The following ST8SIA1 variants were observed in gnomAD, a reference collection of about 807,000 sequenced individuals.
ST8SIA1 encodes the protein alpha-N-acetylneuraminide alpha-2,8-sialyltransferase.
Under a neutral mutation model 35.9 loss-of-function variants are expected in ST8SIA1, and 16 were observed. The observed-to-expected ratio is 0.45, with a 90% CI of 0.30 to 0.68. The LOEUF is 0.68. ST8SIA1 is among the 30% of genes least tolerant of loss of function. ST8SIA1 has a pLI of 0.09. For synonymous variants in ST8SIA1, 170 were observed against 169.6 expected (o/e 1.00, Z -0.02); for missense variants, 383 against 453.6 (o/e 0.84, Z 1.41).
At chr12:22,287,054 G>C (rs1177954374) in intron 2 of ST8SIA1, 95 bp downstream of exon 2, 5 of 1,188,398 alleles carry the variant, frequency 4.2e-6, no homozygotes, top group Non-Finnish European at 5.9e-6. Context: ...AAAACAAAAA[G>C]TCAATCTGAT....
chr12:22,278,833 T>G, intron 2 of ST8SIA1, among the ~76,000 whole-genome samples: 1 of 152,302 alleles, frequency 6.6e-6, no homozygotes, highest in East Asian at 1.9e-4. Context: ...GTATAAAATG[T>G]TGTCTTACCC....
At chr12:22,231,378 C>CTTT (rs576724914) in intron 4 of ST8SIA1, among the ~76,000 whole-genome samples, 2 of 146,976 alleles carry the variant, frequency 1.4e-5, no homozygotes, top group Non-Finnish European at 3.0e-5. Flanking sequence ...TTAGAATAAG[C>CTTT]TTTTTTTTTT....
chr12:22,276,194 T>G (rs1865966351), intron 2 of ST8SIA1, among the ~76,000 whole-genome samples: 1 of 152,180 alleles, frequency 6.6e-6, no homozygotes, highest in South Asian at 2.1e-4. Flanking sequence ...TCTTAGAATT[T>G]CATGCACTTT....
At chr12:22,320,957 G>GAGAA (rs1220446331) in intron 1 of ST8SIA1, among the ~76,000 whole-genome samples, 920 of 83,064 alleles carry the variant, frequency 0.011, 7 homozygotes, top group Non-Finnish European at 0.015. Context: ...AAGAAAGAAA[G>GAGAA]AGAAAGAAAG....
intron 4 of ST8SIA1, among the ~76,000 whole-genome samples, chr12:22,212,787 C>G (rs1865188794): frequency 6.6e-6 from 1 of 152,182 alleles, no homozygotes; most frequent in South Asian, 2.1e-4. Context: ...CTGACACCAT[C>G]TTTGTAAGAC....
At chr12:22,319,420 G>A (rs2135839062) in intron 1 of ST8SIA1, among the ~76,000 whole-genome samples, 1 of 152,236 alleles carries the variant, frequency 6.6e-6, no homozygotes, top group East Asian at 1.9e-4. Context: ...GAATTTTTTG[G>A]ACTACTTATA....
chr12:22,328,772 T>C (rs2095016003), intron 1 of ST8SIA1, among the ~76,000 whole-genome samples: 1 of 152,222 alleles, frequency 6.6e-6, no homozygotes, highest in African/African-American at 2.4e-5. Context: ...ATTAATTATA[T>C]ACTGGAAATA....
At chr12:22,225,373 A>T (rs1472093371) in intron 4 of ST8SIA1, among the ~76,000 whole-genome samples, 2 of 152,126 alleles carry the variant, frequency 1.3e-5, no homozygotes, top group African/African-American at 4.8e-5. Context: ...TCCTACTAGT[A>T]GCTGGATCCT....
chr12:22,207,983 A>G lies in ST8SIA1; in HGVS notation c.585-5945T>C, dbSNP rs562317750. Among the ~76,000 whole-genome samples, 7 of 152,122 alleles carry G rather than the reference A, an allele frequency of 4.6e-5. No homozygotes were observed. In the South Asian group the frequency reaches 1.0e-3, roughly 23 times the overall value. ...TATAGCGAAACCCCATCTCTACTAAAAATACAAAAATTAGCTGGGTGTGGT... is the reference window on the plus strand; with the variant it reads ...TATAGCGAAACCCCATCTCTACTAAGAATACAAAAATTAGCTGGGTGTGGT... On this transcript the variant is annotated intron_variant, in intron 4 of 4. Transcript: ENST00000396037.
At chr12:22,314,211 T>G (rs1457250373) in intron 1 of ST8SIA1, among the ~76,000 whole-genome samples, 1 of 152,094 alleles carries the variant, frequency 6.6e-6, no homozygotes, top group Non-Finnish European at 1.5e-5. Flanking sequence ...CTCCCCCTCC[T>G]TCCTCCATGC....
chr12:22,271,338 A>G (rs1490268694), intron 2 of ST8SIA1, among the ~76,000 whole-genome samples: 1 of 152,226 alleles, frequency 6.6e-6, no homozygotes, highest in Non-Finnish European at 1.5e-5. Flanking sequence ...ATTGAGGAAA[A>G]CTTCACAGAC....
Position 22,201,710 on chromosome 12 carries a change from G to A in ST8SIA1, c.913C>T (p.Gln305Ter). 1 of 1,614,082 alleles carries A rather than the reference G, an allele frequency of 6.2e-7. No individual in the cohort carries two copies. Residue 305 changes from glutamine to a stop codon, truncating the protein, a stop_gained, in exon 5 of 5, where the codon CAG becomes TAG. Coordinates refer to ENST00000396037, the MANE Select transcript of ST8SIA1 (RefSeq NM_003034.4). LOFTEE classifies it high-confidence loss of function. ...TCATAGTAGTGGTGGCTGATGGGCT[G>A]CTCATGCATATTCACAGAGAAGGGC... ...FWPFSVNMHEQPISHHYYDNV... is the reference protein window; with the variant it reads ...FWPFSVNMHE
chr12:22,247,819 A>G (rs1327087783), intron 4 of ST8SIA1, among the ~76,000 whole-genome samples: 1 of 152,184 alleles, frequency 6.6e-6, no homozygotes, highest in African/African-American at 2.4e-5. Flanking sequence ...TGATACAAAG[A>G]CTTAATATCC....
chr12:22,214,360 A>T (rs1865210751), intron 4 of ST8SIA1, among the ~76,000 whole-genome samples: 1 of 152,154 alleles, frequency 6.6e-6, no homozygotes, highest in African/African-American at 2.4e-5. Flanking sequence ...AATAGTAGAA[A>T]TTACTATGAA....
intron 3 of ST8SIA1, 57 bp downstream of exon 3, chr12:22,255,223 G>C (rs951731885): frequency 7.2e-7 from 1 of 1,396,274 alleles, no homozygotes; most frequent in Non-Finnish European, 1.0e-6. Flanking sequence ...AGGGCTTATG[G>C]GAGGGGTGGG....
At chr12:22,217,152 T>C (rs185515187) in intron 4 of ST8SIA1, among the ~76,000 whole-genome samples, 2 of 152,310 alleles carry the variant, frequency 1.3e-5, no homozygotes, top group Non-Finnish European at 2.9e-5. Flanking sequence ...TCATTTTTTT[T>C]CCAGGACAAA....
intron 2 of ST8SIA1, among the ~76,000 whole-genome samples, chr12:22,284,312 C>T (rs567660257): frequency 6.6e-6 from 1 of 152,312 alleles, no homozygotes; most frequent in South Asian, 2.1e-4. Flanking sequence ...CACTGAAACT[C>T]TGGGAAAGGA....
rs3063791 is a variant in ST8SIA1, at chr12:22,198,522, TACACACACAC to T, written c.*3020_*3029del. 2,464 of 133,054 alleles carry T rather than the reference TACACACACAC, an allele frequency of 0.019. 106 individuals are homozygous for T. The highest frequency in any genetic ancestry group is 0.16 in the South Asian group (600 of 3,806). The allele number at this position is 133,054 out of a possible 1,614,324, so 8.2% of individuals were successfully genotyped here. On this transcript the variant is annotated 3_prime_UTR_variant, in exon 5 of 5. Transcript: ENST00000396037. ...AGGATAGAGATGCCTAACTTCATGC[TACACACACAC>T]ACACACACACACACACACACACACA...
At position 22,316,649 on chromosome 12, in the gene ST8SIA1, A is replaced by T. The variant is rs1425680339; in HGVS notation, c.236+17348T>A. Among the ~76,000 whole-genome samples, 5 of 152,336 alleles carry T rather than the reference A, an allele frequency of 3.3e-5. No homozygotes were observed. In the East Asian group the frequency reaches 9.6e-4, roughly 29 times the overall value. Reference sequence around the variant, plus strand: ...TTTTTAAAGTCGTTATGGAAAAAAAATTCAAACATAAACGTAAGCAGTCAT... The same window carrying T: ...TTTTTAAAGTCGTTATGGAAAAAAATTTCAAACATAAACGTAAGCAGTCAT... On this transcript the variant is annotated intron_variant, in intron 1 of 4. Transcript: ENST00000396037.
Sources: allele counts gnomAD v4.1 joint callset (sites outside exome capture counted in the v4.1 genomes callset), GRCh38; gene constraint gnomAD v4.1.1; transcripts MANE v1.5; gene names NCBI Gene and HGNC (gene_info 2026-07-23, HGNC 2026-07-21).